The following GNA14 variants were observed in gnomAD, a reference collection of about 807,000 sequenced individuals.
GNA14 encodes G protein subunit alpha 14.
In GNA14, 50 loss-of-function variants were observed where a neutral mutation model predicts 42.0. That is an observed-to-expected ratio of 1.19 (90% CI 0.95 to 1.51). GNA14 has a LOEUF of 1.51. Ranked by LOEUF, GNA14 falls within the 40% of genes most tolerant of loss-of-function variation. GNA14 has a pLI of 0.00. For missense variants in GNA14, 473 were observed against 446.2 expected (o/e 1.06, Z -0.54); for synonymous variants, 173 against 163.1 (o/e 1.06, Z -0.46).
chr9:77,643,338 C>G (rs546342318), intron 1 of GNA14, among the ~76,000 whole-genome samples: 1 of 151,342 alleles, frequency 6.6e-6, no homozygotes, highest in Admixed American at 6.6e-5. Flanking sequence ...CTCCCAGGTT[C>G]AAGCGATTAT....
chr9:77,569,156 T>C (rs1201282240), intron 1 of GNA14, among the ~76,000 whole-genome samples: 1 of 151,764 alleles, frequency 6.6e-6, no homozygotes, highest in African/African-American at 2.4e-5. Context: ...CTTTTGCCTT[T>C]TTTTTTTTTA....
At chr9:77,626,228 C>T (rs751239417) in intron 1 of GNA14, among the ~76,000 whole-genome samples, 22 of 152,120 alleles carry the variant, frequency 1.4e-4, no homozygotes, top group Non-Finnish European at 2.8e-4. Flanking sequence ...GAGGAGCACC[C>T]AGATTCACAA....
At chr9:77,521,411 T>G (rs1837352755) in intron 2 of GNA14, among the ~76,000 whole-genome samples, 1 of 152,110 alleles carries the variant, frequency 6.6e-6, no homozygotes, top group Admixed American at 6.6e-5. Context: ...ACAGATGTTT[T>G]AAAAAGTAGA....
intron 1 of GNA14, among the ~76,000 whole-genome samples, chr9:77,579,597 T>C (rs979383138): frequency 2.6e-5 from 4 of 152,234 alleles, no homozygotes; most frequent in Non-Finnish European, 5.9e-5. Context: ...AGACCCATTG[T>C]TCTTCCTTCA....
chr9:77,519,885 C>T (rs1296208875), intron 2 of GNA14, among the ~76,000 whole-genome samples: 1 of 152,082 alleles, frequency 6.6e-6, no homozygotes, highest in Non-Finnish European at 1.5e-5. Context: ...TGGTATATGC[C>T]TGTAATCCCA....
chr9:77,603,510 G>A (rs1010494429), intron 1 of GNA14, among the ~76,000 whole-genome samples: 2 of 152,302 alleles, frequency 1.3e-5, no homozygotes, highest in Admixed American at 1.3e-4. Context: ...CATAGAAAGA[G>A]ACATCATTTG....
intron 1 of GNA14, among the ~76,000 whole-genome samples, chr9:77,632,028 G>C (rs938012888): frequency 2.0e-5 from 3 of 152,020 alleles, no homozygotes; most frequent in African/African-American, 7.2e-5. Flanking sequence ...GCCCTACCCT[G>C]CTGGCCACCG....
chr9:77,622,050 C>T (rs1587851320), intron 1 of GNA14, among the ~76,000 whole-genome samples: 1 of 152,128 alleles, frequency 6.6e-6, no homozygotes, highest in Non-Finnish European at 1.5e-5. Context: ...CTCAGCATCC[C>T]AAAGTTCTGG....
chr9:77,443,056 C>G lies in GNA14; in HGVS notation c.310-8534G>C, dbSNP rs1835761657. ...TAACATAGGATCAAAATCTATGGAG[C>G]AAAATTTCACAGATGGAAGTGGAGA... On this transcript the variant is annotated intron_variant, in intron 2 of 6. Coordinates refer to ENST00000341700, the MANE Select transcript of GNA14 (RefSeq NM_004297.4). Among the ~76,000 whole-genome samples, 3 of 152,208 alleles carry G rather than the reference C, an allele frequency of 2.0e-5. No homozygotes were observed. In the South Asian group the frequency reaches 6.2e-4, roughly 32 times the overall value.
At chr9:77,470,445 C>T (rs748168873) in intron 2 of GNA14, among the ~76,000 whole-genome samples, 7 of 152,170 alleles carry the variant, frequency 4.6e-5, no homozygotes, top group African/African-American at 1.4e-4. Flanking sequence ...ACCATGGTGA[C>T]GGTAGAATAC....
intron 2 of GNA14, among the ~76,000 whole-genome samples, chr9:77,523,322 T>C (rs1206094752): frequency 6.6e-6 from 1 of 152,148 alleles, no homozygotes; most frequent in Non-Finnish European, 1.5e-5. Flanking sequence ...CTTACAATCA[T>C]GGCCGAAGGT....
At chr9:77,575,087 G>C (rs894393453) in intron 1 of GNA14, among the ~76,000 whole-genome samples, 1 of 152,188 alleles carries the variant, frequency 6.6e-6, no homozygotes, top group African/African-American at 2.4e-5. Flanking sequence ...ATGATTTCAC[G>C]CTTCATACCC....
At chr9:77,546,030 A>T (rs1411288881) in intron 1 of GNA14, among the ~76,000 whole-genome samples, 1 of 152,058 alleles carries the variant, frequency 6.6e-6, no homozygotes, top group Admixed American at 6.5e-5. Flanking sequence ...AGCCTGGCCA[A>T]CACAGCGAAA....
chr9:77,489,339 A>G (rs903473900), intron 2 of GNA14, among the ~76,000 whole-genome samples: 3 of 152,252 alleles, frequency 2.0e-5, no homozygotes, highest in African/African-American at 7.2e-5. Flanking sequence ...GTTGTGCAAG[A>G]GGAAGGGGTA....
intron 2 of GNA14, among the ~76,000 whole-genome samples, chr9:77,452,564 G>C (rs998392937): frequency 1.5e-5 from 2 of 132,122 alleles, no homozygotes; most frequent in African/African-American, 6.5e-5. Context: ...GTGTGTGTGT[G>C]TGTGTGTATG....
At chr9:77,609,404 C>T (rs1823694234) in intron 1 of GNA14, among the ~76,000 whole-genome samples, 1 of 152,170 alleles carries the variant, frequency 6.6e-6, no homozygotes, top group African/African-American at 2.4e-5. Context: ...CAGCTCTCCC[C>T]TTTCTTTCTA....
intron 1 of GNA14, among the ~76,000 whole-genome samples, chr9:77,592,105 G>A (rs992832622): frequency 9.2e-5 from 14 of 151,856 alleles, no homozygotes; most frequent in Non-Finnish European, 7.4e-5. Context: ...TAATAGAGAC[G>A]GGGTTTCACA....
At chr9:77,626,188 T>A (rs1185646734) in intron 1 of GNA14, among the ~76,000 whole-genome samples, 1 of 152,150 alleles carries the variant, frequency 6.6e-6, no homozygotes, top group Non-Finnish European at 1.5e-5. Flanking sequence ...AAAGAAGAGC[T>A]AACTATCCTA....
At chr9:77,461,553 C>T (rs761925133) in intron 2 of GNA14, among the ~76,000 whole-genome samples, 2 of 152,162 alleles carry the variant, frequency 1.3e-5, no homozygotes, top group Admixed American at 6.5e-5. Flanking sequence ...CTTAGCCTCG[C>T]TCACCATCTT....
Sources: gnomAD v4.1 joint callset for allele counts (sites outside exome capture counted in the v4.1 genomes callset) on GRCh38, gnomAD v4.1.1 for gene constraint, MANE v1.5 for transcripts, NCBI Gene and HGNC (gene_info 2026-07-23, HGNC 2026-07-21) for gene names.